The following ITGB1 variants were observed in gnomAD, a reference collection of about 807,000 sequenced individuals.
ITGB1 encodes the protein integrin subunit beta 1.
ITGB1 carries 24 observed loss-of-function variants against 86.5 expected under a neutral mutation model. The observed-to-expected ratio is 0.28, with a 90% CI of 0.20 to 0.39. ITGB1 has a LOEUF of 0.39. Among genes scored for constraint, ITGB1 ranks in the 10% least tolerant of loss-of-function variants. The pLI is 1.00. For synonymous variants in ITGB1, 323 were observed against 316.8 expected, an observed-to-expected ratio of 1.02 and a Z score of -0.21; for missense variants, 556 against 946.9, an observed-to-expected ratio of 0.59 and a Z score of 5.42.
chr10:32,920,019 A>T lies in ITGB1; in HGVS notation c.1335T>A (p.Ile445=), dbSNP rs140045688. The stretch of plus-strand genomic sequence containing the variant: ...CTTCCTCCGTAAAGCCCAGAGGCCT[A>T]ATTTTAAAGCTGTCAGAATCCTTTT... The part of the protein sequence containing the change: ...CPKKDSDSFK[I]RPLGFTEEVE... The change falls in exon 11 of 16, where the codon ATT becomes ATA. Residue 445 remains isoleucine, a synonymous_variant. Coordinates refer to ENST00000302278, the MANE Select transcript of ITGB1 (RefSeq NM_002211.4). 6.2e-7 allele frequency: 1 copy of T among 1,613,958 alleles called. No homozygotes were observed. Among genetic ancestry groups the T allele is most frequent in the African/African-American group, 1.3e-5 (1 of 74,934 alleles).
In ITGB1 at chr10:32,922,704, T is replaced by G. The variant is rs373692672; in HGVS notation, c.974A>C (p.Lys325Thr). ...TGTCTGAATATTATTTTCACTCAGTTTCTGGACAAGGTGAGCAATAGAAGG... is the reference window on the plus strand; with the variant it reads ...TGTCTGAATATTATTTTCACTCAGTGTCTGGACAAGGTGAGCAATAGAAGG... ...DYPSIAHLVQ[K>T]LSENNIQTIF... Residue 325 changes from lysine to threonine, a missense_variant, in exon 8 of 16, where the codon AAA becomes ACA. Coordinates refer to ENST00000302278, the MANE Select transcript of ITGB1 (RefSeq NM_002211.4). 1.9e-6 allele frequency: 3 copies of G among 1,605,618 alleles called. No homozygotes were observed. The highest frequency in any genetic ancestry group is 2.6e-6 in the Non-Finnish European group (3 of 1,173,844).
intron 15 of ITGB1, chr10:32,906,956 TA>T: frequency 1.9e-6 from 1 of 531,008 alleles, no homozygotes; most frequent in Non-Finnish European, 3.4e-6. Flanking sequence ...TAGCGATATT[TA>T]AAGCCAGACT....
intron 11 of ITGB1, among the ~76,000 whole-genome samples, chr10:32,914,723 T>C (rs2094926010): frequency 6.6e-6 from 1 of 151,754 alleles, no homozygotes; most frequent in Admixed American, 6.6e-5. Flanking sequence ...ATGGGAGACT[T>C]TAACACCACA....
At chr10:32,921,668 A>G (rs2094950413) in intron 9 of ITGB1, among the ~76,000 whole-genome samples, 1 of 152,186 alleles carries the variant, frequency 6.6e-6, no homozygotes, top group African/African-American at 2.4e-5. Flanking sequence ...AGGATAAGCC[A>G]ATTCCTCTTT....
intron 1 of ITGB1, among the ~76,000 whole-genome samples, chr10:32,943,540 T>C (rs910917760): frequency 1.3e-5 from 2 of 151,346 alleles, no homozygotes; most frequent in African/African-American, 4.9e-5. Flanking sequence ...GAGGAAAAAG[T>C]CAAAAGACCA....
At chr10:32,923,989 A>T (rs2137209162) in intron 6 of ITGB1, among the ~76,000 whole-genome samples, 1 of 152,096 alleles carries the variant, frequency 6.6e-6, no homozygotes, top group Non-Finnish European at 1.5e-5. Flanking sequence ...CTTTTTAAAA[A>T]CTGTTTTTTT....
At position 32,908,302 on chromosome 10, in the gene ITGB1, A is replaced by G. The variant is rs373144478; in HGVS notation, c.2331+66T>C. The G allele has an allele frequency of 2.3e-4, 320 of 1,396,416 alleles. 2 individuals are homozygous for G. The highest frequency in any genetic ancestry group is 3.0e-4 in the East Asian group (13 of 43,858). 86.5% of individuals were successfully genotyped at this position (1,396,416 alleles called of 1,614,324 possible). ...TAATAATCAGCCTGACAGCTAATAC[A>G]TAAGTCTTAGGAGTATTACATTTAC... On this transcript the variant is annotated intron_variant, in intron 15 of 15. Coordinates refer to ENST00000302278, the MANE Select transcript of ITGB1 (RefSeq NM_002211.4).
Position 32,928,203 on chromosome 10 carries a change from G to A in ITGB1, c.438C>T (p.Tyr146=), listed in dbSNP as rs145690029. ...KRAEDYPIDL[Y]YLMDLSYSMK... is the part of the protein sequence containing the mutation. ...TTGAGTAAGACAGGTCCATAAGGTA[G>A]TAGAGGTCAATGGGATAGTCTTCAG... Residue 146 remains tyrosine, a synonymous_variant, in exon 5 of 16, where the codon TAC becomes TAT. Coordinates refer to ENST00000302278, the MANE Select transcript of ITGB1 (RefSeq NM_002211.4). 709 of 1,081,996 alleles carry A rather than the reference G, an allele frequency of 6.6e-4. 3 individuals carry two copies. The highest frequency in any genetic ancestry group is 4.4e-3 in the African/African-American group (287 of 65,042). The allele number at this position is 1,081,996 out of a possible 1,614,324, so 67.0% of individuals were successfully genotyped here. A position where few individuals can be genotyped will look rare whatever the true frequency, so the allele number is the denominator to read the frequency against.
intron 13 of ITGB1, 75 bp downstream of exon 13, chr10:32,911,373 G>T: frequency 8.0e-7 from 1 of 1,249,506 alleles, no homozygotes; most frequent in Non-Finnish European, 1.2e-6. Flanking sequence ...GCACTGTTCT[G>T]GTTCTAGAAA....
intron 6 of ITGB1, among the ~76,000 whole-genome samples, chr10:32,924,631 C>G (rs1355900451): frequency 1.3e-5 from 2 of 152,080 alleles, no homozygotes; most frequent in African/African-American, 4.8e-5. Flanking sequence ...CAGGTTAAGG[C>G]CTAGTTAGAG....
chr10:32,922,413 G>T, intron 8 of ITGB1, 67 bp from the exon 9 acceptor site: 1 of 1,095,124 alleles, frequency 9.1e-7, no homozygotes, highest in Non-Finnish European at 1.4e-6. Flanking sequence ...GATCCACTGA[G>T]CAACTTTTAT....
Position 32,910,316 on chromosome 10 carries a change from A to G in ITGB1, c.2071T>C (p.Cys691Arg). The G allele has an allele frequency of 6.2e-7, 1 of 1,603,566 alleles. No homozygotes were observed. Among genetic ancestry groups the G allele is most frequent in the Non-Finnish European group, 8.5e-7 (1 of 1,171,018 alleles). ...CAGTCGTCAACATCCTTCTCCTTACAATGGGACACAGGATCAGGTTGGACC... is the reference window on the plus strand; with the variant it reads ...CAGTCGTCAACATCCTTCTCCTTACGATGGGACACAGGATCAGGTTGGACC... The part of the protein sequence containing the change: ...QPVQPDPVSH[C>R]KEKDVDDCWF... Residue 691 changes from cysteine to arginine, a missense_variant, in exon 14 of 16, where the codon TGT (cysteine) becomes CGT (arginine). Around this residue, in one of 4 missense-constraint regions of ITGB1, gnomAD observed 330 missense variants for 531.5 expected, o/e 0.62. Transcript: ENST00000302278.
intron 1 of ITGB1, among the ~76,000 whole-genome samples, chr10:32,938,508 C>T (rs559311863): frequency 1.3e-5 from 2 of 152,318 alleles, no homozygotes; most frequent in South Asian, 2.1e-4. Context: ...TCCTAACATT[C>T]GGAGCCACAC....
rs2095033131 is a variant in ITGB1 at position 32,947,127 on chromosome 10, G to A, written c.-1+11018C>T. Among the ~76,000 whole-genome samples the A allele has an allele frequency of 3.3e-5, 5 of 152,170 alleles. No individual in the cohort carries two copies. In the South Asian group the frequency reaches 1.0e-3, roughly 32 times the overall value. ...CAAAGTGGTGGGATTACAGTCATGA[G>A]GCACCATACCTGGCCTACTTCATTC... On this transcript the variant is annotated intron_variant, in intron 1 of 15. Coordinates refer to ENST00000302278, the MANE Select transcript of ITGB1 (RefSeq NM_002211.4).
intron 1 of ITGB1, among the ~76,000 whole-genome samples, chr10:32,952,637 G>T (rs552564303): frequency 6.6e-5 from 10 of 152,228 alleles, no homozygotes; most frequent in African/African-American, 2.2e-4. Context: ...AGAAAAATGT[G>T]ACTTCCATAC....
intron 1 of ITGB1, among the ~76,000 whole-genome samples, chr10:32,950,458 A>G (rs900050273): frequency 1.3e-5 from 2 of 152,160 alleles, no homozygotes; most frequent in African/African-American, 2.4e-5. Context: ...TTTTCCTTCC[A>G]TCTGGCAGGA....
chr10:32,944,891 A>G, intron 1 of ITGB1: 1 of 1,342,962 alleles, frequency 7.4e-7, no homozygotes. Flanking sequence ...AGAGACGGTT[A>G]TCAAAAGACT....
intron 1 of ITGB1, among the ~76,000 whole-genome samples, chr10:32,939,633 A>T (rs1445440339): frequency 6.6e-6 from 1 of 152,232 alleles, no homozygotes; most frequent in African/African-American, 2.4e-5. Context: ...CAGTAAAAGT[A>T]TGGTACAAAA....
At chr10:32,922,512 T>C (rs2252752) in intron 8 of ITGB1, 128 bp downstream of exon 8, 331,291 of 761,400 alleles carry the variant, frequency 0.44, 80,350 homozygotes, top group Non-Finnish European at 0.52. Context: ...TAAAAATTAA[T>C]ATAAACCACT....
Sources: allele counts gnomAD v4.1 joint callset (sites outside exome capture counted in the v4.1 genomes callset), GRCh38; gene constraint gnomAD v4.1.1; regional missense constraint gnomAD v4.1.1; transcripts MANE v1.5; gene names NCBI Gene and HGNC (gene_info 2026-07-23, HGNC 2026-07-21).